Variants in BTBD2 observed in about 807,000 individuals in gnomAD.
BTBD2 encodes BTB/POZ domain-containing protein 2.
A neutral mutation model predicts 44.0 loss-of-function variants in BTBD2; 15 were observed. The observed-to-expected ratio is 0.34, with a 90% CI of 0.23 to 0.53. BTBD2 has a LOEUF of 0.53. Ranked by LOEUF, BTBD2 falls within the 20% of genes least tolerant of loss-of-function variation. The pLI, the probability that BTBD2 is intolerant of heterozygous loss-of-function variation, is 0.95. For missense variants in BTBD2, 657 were observed against 746.4 expected, an observed-to-expected ratio of 0.88 and a Z score of 1.39; for synonymous variants, 443 against 335.9, an observed-to-expected ratio of 1.32 and a Z score of -3.49.
chr19:2,005,493 A>AT (rs2016383431), intron 1 of BTBD2, among the ~76,000 whole-genome samples: 2 of 151,878 alleles, frequency 1.3e-5, no homozygotes, highest in African/African-American at 4.8e-5. Flanking sequence ...TTTTAAAATT[A>AT]TTTTTTAGCC....
chr19:1,992,128 TGTCACTCAGGCTGGA>T (rs923115262), intron 3 of BTBD2: 13 of 147,398 alleles, frequency 8.8e-5, no homozygotes, highest in African/African-American at 3.2e-4. Flanking sequence ...GGTCTCACTC[TGTCACTCAGGCTGGA>T]GTGCAGTGGC....
chr19:1,999,665 C>CA lies in BTBD2; in HGVS notation c.408-2203dup, dbSNP rs1352763321. On this transcript the variant is annotated intron_variant, in intron 1 of 8. Coordinates refer to ENST00000255608, the MANE Select transcript of BTBD2 (RefSeq NM_017797.4). ...TGGGCAACAGAGCAAGACTCTGTCT[C>CA]AAAAAAAAAAAAAGGCCAGGTGCAG... 6.5e-3 allele frequency among the ~76,000 whole-genome samples: 856 copies of CA among 131,962 alleles called. 2 individuals are homozygous for CA. The highest frequency in any genetic ancestry group is 8.5e-3 in the South Asian group (32 of 3,760). The allele number at this position is 131,962 out of a possible 152,430, so 86.6% of individuals were successfully genotyped here. A position where few individuals can be genotyped will look rare whatever the true frequency, so the allele number is the denominator to read the frequency against.
intron 1 of BTBD2, among the ~76,000 whole-genome samples, chr19:1,999,835 G>GCA (rs2016304299): frequency 6.6e-6 from 1 of 151,252 alleles, no homozygotes; most frequent in South Asian, 2.1e-4. Flanking sequence ...GGTGGTGGGT[G>GCA]CCTGTAATCC....
At chr19:1,987,460 C>T in intron 6 of BTBD2, 40 bp downstream of exon 6, 1 of 1,503,250 alleles carries the variant, frequency 6.7e-7, no homozygotes, top group Non-Finnish European at 8.9e-7. Flanking sequence ...AGTCCTCCAC[C>T]CCCATGTCCG....
At chr19:2,014,897 G>A (rs910329780) in intron 1 of BTBD2, among the ~76,000 whole-genome samples, 5 of 151,658 alleles carry the variant, frequency 3.3e-5, no homozygotes. Flanking sequence ...GGATGGAGGG[G>A]TGCAGAGGCC....
At chr19:2,008,505 G>A (rs2016422814) in intron 1 of BTBD2, among the ~76,000 whole-genome samples, 1 of 150,644 alleles carries the variant, frequency 6.6e-6, no homozygotes, top group South Asian at 2.1e-4. Context: ...TGGCCAAGTT[G>A]ATCTCGAACT....
At chr19:1,992,994 C>T (rs2016201433) in intron 3 of BTBD2, 26 bp downstream of exon 3, 7 of 1,521,028 alleles carry the variant, frequency 4.6e-6, no homozygotes, top group Non-Finnish European at 4.4e-6. Flanking sequence ...CTGGCCCCGC[C>T]CCCGCCTCGT....
intron 1 of BTBD2, among the ~76,000 whole-genome samples, chr19:2,009,072 G>C (rs1323645155): frequency 2.7e-5 from 4 of 150,616 alleles, no homozygotes; most frequent in African/African-American, 7.4e-5. Flanking sequence ...AGGCTGAAGT[G>C]CAGTGGCACA....
chr19:1,987,669 C>G lies in BTBD2; in HGVS notation c.1012G>C (p.Val338Leu). The G allele has an allele frequency of 6.2e-7, 1 of 1,606,786 alleles. No individual in the cohort carries two copies. Among genetic ancestry groups the G allele is most frequent in the Non-Finnish European group, 8.5e-7 (1 of 1,176,456 alleles). The change falls in exon 6 of 9, where the codon GTG becomes CTG. Residue 338 changes from valine (V) to leucine (L), a missense_variant. Physicochemically the swap from Val to Leu is conservative, Grantham distance 32 (BLOSUM62 1). Around this residue, in one of 3 missense-constraint regions of BTBD2, gnomAD observed 449 missense variants for 510.9 expected, o/e 0.88. Coordinates refer to ENST00000255608, the MANE Select transcript of BTBD2 (RefSeq NM_017797.4). ...AAGPAQSGIL[V>L]DREVVSLFLH... ...AAGAGGCTGACCACCTCGCGGTCCACCAGGATGCCCGACTGTGCGGGACCT... is the reference window on the plus strand; with the variant it reads ...AAGAGGCTGACCACCTCGCGGTCCAGCAGGATGCCCGACTGTGCGGGACCT...
intron 1 of BTBD2, among the ~76,000 whole-genome samples, chr19:2,002,187 T>C (rs761261203): frequency 3.3e-5 from 5 of 152,048 alleles, no homozygotes; most frequent in Non-Finnish European, 5.9e-5. Flanking sequence ...ACTCAAGCAA[T>C]GATCCCACCT....
At chr19:2,006,462 G>GTGCCAC (rs2016395249) in intron 1 of BTBD2, among the ~76,000 whole-genome samples, 1 of 149,900 alleles carries the variant, frequency 6.7e-6, no homozygotes, top group Non-Finnish European at 1.5e-5. Flanking sequence ...AGCTGACACT[G>GTGCCAC]TGCCACTGCA....
chr19:2,008,631 G>A (rs1297056565), intron 1 of BTBD2, among the ~76,000 whole-genome samples: 1 of 128,286 alleles, frequency 7.8e-6, no homozygotes, highest in Non-Finnish European at 1.6e-5. Flanking sequence ...TCACTCTATC[G>A]CCCAGGATGG....
At chr19:1,995,279 CTTTTTT>C (rs71174402) in intron 2 of BTBD2, among the ~76,000 whole-genome samples, 48,281 of 122,332 alleles carry the variant, frequency 0.39, 9,564 homozygotes, top group African/African-American at 0.52. Flanking sequence ...ACTTTGGATT[CTTTTTT>C]TTTTTTTTTT....
intron 1 of BTBD2, among the ~76,000 whole-genome samples, chr19:2,012,699 C>T (rs1024305472): frequency 1.3e-5 from 2 of 152,220 alleles, no homozygotes; most frequent in Non-Finnish European, 2.9e-5. Context: ...CCCGCTGGGC[C>T]TCATTGCCCT....
chr19:1,988,841 G>A (rs1298884521), intron 5 of BTBD2, among the ~76,000 whole-genome samples: 1 of 152,222 alleles, frequency 6.6e-6, no homozygotes, highest in African/African-American at 2.4e-5. Context: ...GACCTCAAGT[G>A]ATTCCCCCCA....
At chr19:1,993,713 AGGCT>A (rs1477716180) in intron 2 of BTBD2, among the ~76,000 whole-genome samples, 2 of 152,072 alleles carry the variant, frequency 1.3e-5, no homozygotes, top group Non-Finnish European at 2.9e-5. Flanking sequence ...ATAGAAGCAC[AGGCT>A]GGGCCTGGTG....
chr19:1,989,923 G>C, intron 5 of BTBD2, 81 bp downstream of exon 5: 1 of 1,491,884 alleles, frequency 6.7e-7, no homozygotes, highest in Non-Finnish European at 9.2e-7. Flanking sequence ...AGTGAACTCG[G>C]GGGCACTATC....
Position 2,013,606 on chromosome 19 carries a change from T to C in BTBD2, c.407+1691A>G, listed in dbSNP as rs2016494873. The C allele has an allele frequency of 3.1e-6, 3 of 982,900 alleles. No individual in the cohort carries two copies. In the South Asian group the frequency reaches 1.4e-4, roughly 46 times the overall value. 60.9% of individuals were successfully genotyped at this position (982,900 alleles called of 1,614,324 possible). A position where few individuals can be genotyped will look rare whatever the true frequency, so the allele number is the denominator to read the frequency against. ...GGCGGAGCTGGAGGTGGGTGGTCACTGAAGTGGGAGGTGGCAGGGCCCAGG... is the reference window on the plus strand; with the variant it reads ...GGCGGAGCTGGAGGTGGGTGGTCACCGAAGTGGGAGGTGGCAGGGCCCAGG... On this transcript the variant is annotated intron_variant, in intron 1 of 8. Transcript: ENST00000255608.
Position 1,997,354 on chromosome 19 carries a change from C to T in BTBD2, c.517G>A (p.Ala173Thr), listed in dbSNP as rs766174396. The T allele has an allele frequency of 8.1e-6, 13 of 1,614,000 alleles. No homozygotes were observed. Among genetic ancestry groups the T allele is most frequent in the Non-Finnish European group, 1.1e-5 (13 of 1,180,018 alleles). ...ATCCGGAAGCATTACTTGAGCAGTG[C>T]GAGGAAGGCAGCGGGTTCCACGTCG... ...LPDVEPAAFL[A>T]LLKFLYSDEV... The change falls in exon 2 of 9, where the codon GCA becomes ACA. Residue 173 changes from alanine to threonine, a missense_variant. Around this residue, in one of 3 missense-constraint regions of BTBD2, gnomAD observed 449 missense variants for 510.9 expected, o/e 0.88. Transcript: ENST00000255608.
Sources: gnomAD v4.1 joint callset for allele counts (sites outside exome capture counted in the v4.1 genomes callset) on GRCh38, gnomAD v4.1.1 for gene constraint, gnomAD v4.1.1 regional missense constraint, MANE v1.5 for transcripts, NCBI Gene and HGNC (gene_info 2026-07-23, HGNC 2026-07-21) for gene names.